Variants in NRG1 observed in about 807,000 individuals in gnomAD.
NRG1 encodes the protein pro-neuregulin-1, membrane-bound isoform.
In NRG1, 18 loss-of-function variants were observed where a neutral mutation model predicts 63.8. The ratio of observed to expected loss-of-function variants is 0.28; its 90% CI spans 0.19 to 0.42. The LOEUF is 0.42. NRG1 is among the 10% of genes least tolerant of loss of function. The pLI is 1.00. For missense variants in NRG1, 762 were observed against 814.7 expected (o/e 0.94, Z 0.79); for synonymous variants, 302 against 301.3 (o/e 1.00, Z -0.02).
chr8:32,753,533 TC>T, intron 7 of NRG1, among the ~76,000 whole-genome samples: 1 of 152,294 alleles, frequency 6.6e-6, no homozygotes, highest in South Asian at 2.1e-4. Context: ...AAATCACACA[TC>T]ATTTGTACTG....
chr8:31,821,545 T>A (rs2129603601), intron 1 of NRG1, among the ~76,000 whole-genome samples: 1 of 152,292 alleles, frequency 6.6e-6, no homozygotes, highest in East Asian at 1.9e-4. Flanking sequence ...CTGAAGTACC[T>A]CACATACCAA....
At chr8:32,088,638 C>A (rs1828643073) in intron 1 of NRG1, among the ~76,000 whole-genome samples, 4 of 151,964 alleles carry the variant, frequency 2.6e-5, no homozygotes. Flanking sequence ...CTGCCTCAGC[C>A]TTCTGAGTAC....
intron 5 of NRG1, among the ~76,000 whole-genome samples, chr8:32,704,597 G>A (rs1282316982): frequency 6.6e-6 from 1 of 152,142 alleles, no homozygotes; most frequent in African/African-American, 2.4e-5. Context: ...AGAATCCTTG[G>A]TTTCCCAAGG....
chr8:31,753,960 T>A (rs1158034252), intron 1 of NRG1, among the ~76,000 whole-genome samples: 1 of 152,124 alleles, frequency 6.6e-6, no homozygotes, highest in Non-Finnish European at 1.5e-5. Context: ...CTGAAACACA[T>A]CCTTCTAGGT....
chr8:32,446,961 T>A (rs1158879954), intron 1 of NRG1, among the ~76,000 whole-genome samples: 1 of 152,124 alleles, frequency 6.6e-6, no homozygotes, highest in African/African-American at 2.4e-5. Context: ...TCTTAATTCA[T>A]ACCCAAGGAC....
rs374445415 is a variant in NRG1 at position 32,191,216 on chromosome 8, T to C, written c.38-404612T>C. Among the ~76,000 whole-genome samples, 322 of 152,022 alleles carry C rather than the reference T, an allele frequency of 2.1e-3. 2 individuals carry two copies. The highest frequency in any genetic ancestry group is 7.4e-3 in the African/African-American group (306 of 41,494). ...TCTTCTGCCTCAGCCTCCTGAGTAGTTGGGATTACAGGCACCCACCACCAT... is the reference window on the plus strand; with the variant it reads ...TCTTCTGCCTCAGCCTCCTGAGTAGCTGGGATTACAGGCACCCACCACCAT... On this transcript the variant is annotated intron_variant, in intron 1 of 10. Coordinates refer to the NRG1 transcript ENST00000519301.
chr8:32,410,774 C>A (rs759437560), intron 1 of NRG1, among the ~76,000 whole-genome samples: 5 of 152,040 alleles, frequency 3.3e-5, no homozygotes, highest in Non-Finnish European at 5.9e-5. Flanking sequence ...CAGCCTTCTG[C>A]AAGGCACTTA....
chr8:32,482,463 C>T (rs1220902892), intron 1 of NRG1, among the ~76,000 whole-genome samples: 1 of 150,888 alleles, frequency 6.6e-6, no homozygotes, highest in Admixed American at 6.6e-5. Context: ...ATCAGTTTCT[C>T]CATCCATTCT....
At chr8:32,038,135 G>T (rs528429265) in intron 1 of NRG1, among the ~76,000 whole-genome samples, 2 of 152,338 alleles carry the variant, frequency 1.3e-5, no homozygotes, top group East Asian at 3.9e-4. Context: ...GGTGGTGTGG[G>T]CTCACAAGGG....
chr8:32,704,493 G>A (rs1563987885), intron 5 of NRG1, among the ~76,000 whole-genome samples: 1 of 152,080 alleles, frequency 6.6e-6, no homozygotes, highest in African/African-American at 2.4e-5. Flanking sequence ...TAAAAAACAA[G>A]CAATCATATA....
At chr8:31,708,694 C>T (rs1016902935) in intron 1 of NRG1, among the ~76,000 whole-genome samples, 6 of 152,174 alleles carry the variant, frequency 3.9e-5, no homozygotes, top group African/African-American at 1.4e-4. Flanking sequence ...ATCCGCCCGC[C>T]TCGGCCTCCC....
intron 1 of NRG1, among the ~76,000 whole-genome samples, chr8:32,042,781 A>G (rs1820281502): frequency 6.6e-6 from 1 of 152,188 alleles, no homozygotes; most frequent in African/African-American, 2.4e-5. Context: ...GGAAGGCTCC[A>G]TGAAAGTGAC....
chr8:31,759,844 A>G (rs142483448), intron 1 of NRG1, among the ~76,000 whole-genome samples: 205 of 152,208 alleles, frequency 1.3e-3, no homozygotes, highest in African/African-American at 4.5e-3. Flanking sequence ...CCGTGAGTCT[A>G]TTATCTCTCT....
chr8:32,495,366 G>A (rs1418989886), intron 1 of NRG1, among the ~76,000 whole-genome samples: 1 of 152,070 alleles, frequency 6.6e-6, no homozygotes, highest in Non-Finnish European at 1.5e-5. Context: ...TTCCTCTTTT[G>A]CCTTCCACCA....
chr8:32,730,310 G>A (rs985649821), intron 6 of NRG1, among the ~76,000 whole-genome samples: 16 of 151,906 alleles, frequency 1.1e-4, no homozygotes, highest in Admixed American at 6.6e-4. Context: ...ATAATTAGCC[G>A]GGCATGGTGG....
chr8:31,695,937 TA>T (rs1432289895), intron 1 of NRG1, among the ~76,000 whole-genome samples: 1 of 152,244 alleles, frequency 6.6e-6, no homozygotes, highest in Non-Finnish European at 1.5e-5. Flanking sequence ...AGCATTTATC[TA>T]ATTGTTCTGC....
chr8:31,929,609 T>C (rs1044663651), intron 1 of NRG1, among the ~76,000 whole-genome samples: 2 of 152,168 alleles, frequency 1.3e-5, no homozygotes, highest in African/African-American at 2.4e-5. Flanking sequence ...ACTGTTTTCT[T>C]ATTGTTGGAT....
intron 1 of NRG1, among the ~76,000 whole-genome samples, chr8:32,165,288 G>A (rs1257622033): frequency 1.3e-5 from 2 of 151,910 alleles, no homozygotes; most frequent in African/African-American, 4.8e-5. Flanking sequence ...ACAGGCATAT[G>A]GCCACCATGC....
chr8:32,337,529 G>C (rs762935534), intron 1 of NRG1, among the ~76,000 whole-genome samples: 42 of 151,558 alleles, frequency 2.8e-4, no homozygotes, highest in Admixed American at 3.9e-4. Flanking sequence ...TTTGAATGGG[G>C]ACCACATACA....
Sources: gnomAD v4.1 joint callset for allele counts (sites outside exome capture counted in the v4.1 genomes callset) on GRCh38, gnomAD v4.1.1 for gene constraint, MANE v1.5 for transcripts, NCBI Gene and HGNC (gene_info 2026-07-23, HGNC 2026-07-21) for gene names.